The following KCNH7 variants were observed in gnomAD, a reference collection of about 807,000 sequenced individuals.
KCNH7 encodes the protein voltage-gated inwardly rectifying potassium channel KCNH7.
Under a neutral mutation model 120.8 loss-of-function variants are expected in KCNH7, and 49 were observed. That is an observed-to-expected ratio of 0.41 (90% CI 0.32 to 0.51). The LOEUF (loss-of-function observed/expected upper bound fraction) is 0.51, where lower values mean the gene tolerates loss of function less well. Ranked by LOEUF, KCNH7 falls within the 20% of genes least tolerant of loss-of-function variation. The probability of loss-of-function intolerance (pLI) is 0.38; values close to 1 mark genes in which losing one functional copy is unlikely to be tolerated. For synonymous variants in KCNH7, 547 were observed against 516.1 expected, an observed-to-expected ratio of 1.06 and a Z score of -0.81; for missense variants, 1,097 against 1,446.6, an observed-to-expected ratio of 0.76 and a Z score of 3.92.
At chr2:162,621,401 C>T (rs181736569) in intron 2 of KCNH7, among the ~76,000 whole-genome samples, 49 of 151,928 alleles carry the variant, frequency 3.2e-4, no homozygotes, top group African/African-American at 1.2e-3. Flanking sequence ...TTTTCTCTGC[C>T]ACACTCAACA....
intron 6 of KCNH7, among the ~76,000 whole-genome samples, chr2:162,500,937 T>G (rs1690667074): frequency 6.6e-6 from 1 of 152,114 alleles, no homozygotes; most frequent in South Asian, 2.1e-4. Context: ...CAAAGATAGC[T>G]GCAATTAGGA....
chr2:162,795,851 C>G (rs1347317198), intron 2 of KCNH7: 3 of 152,128 alleles, frequency 2.0e-5, no homozygotes, highest in East Asian at 3.9e-4. Context: ...ATAAACAAAT[C>G]TAGGAGAATA....
chr2:162,541,118 T>A (rs1265506843), intron 2 of KCNH7, among the ~76,000 whole-genome samples: 1 of 152,108 alleles, frequency 6.6e-6, no homozygotes, highest in African/African-American at 2.4e-5. Flanking sequence ...TTTCAGCATG[T>A]TGACTTTGCA....
chr2:162,757,592 T>C (rs1480323600), intron 2 of KCNH7, among the ~76,000 whole-genome samples: 1 of 152,140 alleles, frequency 6.6e-6, no homozygotes, highest in Non-Finnish European at 1.5e-5. Context: ...CACAAAGATA[T>C]CTCAGTTACC....
At chr2:162,510,463 G>C (rs1691033431) in intron 5 of KCNH7, among the ~76,000 whole-genome samples, 1 of 151,374 alleles carries the variant, frequency 6.6e-6, no homozygotes, top group African/African-American at 2.4e-5. Context: ...CGGACTTCCC[G>C]AGAAAGTTAA....
intron 2 of KCNH7, among the ~76,000 whole-genome samples, chr2:162,722,242 TAAG>T (rs772430618): frequency 1.1e-4 from 16 of 152,004 alleles, no homozygotes; most frequent in East Asian, 9.7e-4. Context: ...AGTGATGAAG[TAAG>T]AAGAAGAAGT....
chr2:162,373,788 G>T, intron 14 of KCNH7, 126 bp from the exon 15 acceptor site: 1 of 511,226 alleles, frequency 2.0e-6, no homozygotes, highest in Non-Finnish European at 3.3e-6. Flanking sequence ...AAGGACAGGA[G>T]AGGGAGCACA....
intron 2 of KCNH7, among the ~76,000 whole-genome samples, chr2:162,743,168 C>T (rs1435605965): frequency 1.3e-5 from 2 of 152,196 alleles, no homozygotes; most frequent in South Asian, 2.1e-4. Flanking sequence ...CTGCATCTCT[C>T]TCTGTAACTG....
intron 2 of KCNH7, among the ~76,000 whole-genome samples, chr2:162,720,386 G>A (rs1406720034): frequency 6.6e-6 from 1 of 150,446 alleles, no homozygotes; most frequent in Admixed American, 6.6e-5. Context: ...GAACCATGAT[G>A]TGAGAAGTTA....
Position 162,561,038 on chromosome 2 carries a change from A to T in KCNH7, c.308-23958T>A, listed in dbSNP as rs1463894843. ...TTAGACAGCTTCATATTGAAAATAC[A>T]GAAATGAAATAACCTTTTTTTTTTT... On this transcript the variant is annotated intron_variant, in intron 2 of 15. Coordinates refer to ENST00000332142, the MANE Select transcript of KCNH7 (RefSeq NM_033272.4). 2.3e-5 allele frequency among the ~76,000 whole-genome samples: 3 copies of T among 130,402 alleles called. No homozygotes were observed. The South Asian group carries it at 7.8e-4, about 34-fold the overall frequency. 85.5% of individuals were successfully genotyped at this position (130,402 alleles called of 152,430 possible).
At chr2:162,638,354 A>G (rs1277057484) in intron 2 of KCNH7, among the ~76,000 whole-genome samples, 1 of 152,096 alleles carries the variant, frequency 6.6e-6, no homozygotes, top group Admixed American at 6.6e-5. Flanking sequence ...GTTGATTTGA[A>G]TATCAATATG....
intron 14 of KCNH7, among the ~76,000 whole-genome samples, chr2:162,373,911 GACT>G (rs1558913014): frequency 6.6e-6 from 1 of 152,114 alleles, no homozygotes; most frequent in Admixed American, 6.6e-5. Flanking sequence ...GAACAAAATA[GACT>G]ACATGTTTAC....
chr2:162,753,609 T>C (rs1212948300), intron 2 of KCNH7, among the ~76,000 whole-genome samples: 2 of 152,108 alleles, frequency 1.3e-5, no homozygotes, highest in Admixed American at 1.3e-4. Context: ...TTGTTGTTTA[T>C]GTTAGTTGGA....
chr2:162,416,301 A>T (rs548931359), intron 9 of KCNH7, among the ~76,000 whole-genome samples: 97 of 150,380 alleles, frequency 6.5e-4, no homozygotes, highest in African/African-American at 2.3e-3. Context: ...TGAACCCAGG[A>T]GGTGGAAGTT....
At chr2:162,596,420 T>G (rs1694382950) in intron 2 of KCNH7, among the ~76,000 whole-genome samples, 1 of 152,038 alleles carries the variant, frequency 6.6e-6, no homozygotes, top group African/African-American at 2.4e-5. Flanking sequence ...GTCAATTGAT[T>G]TTTTTGACAA....
chr2:162,373,431 T>C (rs370107892), intron 15 of KCNH7, 39 bp downstream of exon 15: 2 of 1,390,156 alleles, frequency 1.4e-6, no homozygotes, highest in African/African-American at 3.0e-5. Context: ...GGAAACACAC[T>C]GTGAGAGACA....
At chr2:162,789,502 C>G (rs539693325) in intron 2 of KCNH7, among the ~76,000 whole-genome samples, 45 of 151,910 alleles carry the variant, frequency 3.0e-4, no homozygotes, top group African/African-American at 1.1e-3. Flanking sequence ...ACACTATAGA[C>G]CAAATGAACC....
intron 2 of KCNH7, among the ~76,000 whole-genome samples, chr2:162,663,358 A>T (rs1265845788): frequency 6.6e-6 from 1 of 152,180 alleles, no homozygotes; most frequent in Non-Finnish European, 1.5e-5. Context: ...TGTTTTCATC[A>T]ACATCTGTTT....
chr2:162,788,340 A>G (rs568378114), intron 2 of KCNH7, among the ~76,000 whole-genome samples: 1 of 152,248 alleles, frequency 6.6e-6, no homozygotes, highest in South Asian at 2.1e-4. Flanking sequence ...TCAATAAGCT[A>G]CAAGAGAACA....
Sources: gnomAD v4.1 joint callset for allele counts (sites outside exome capture counted in the v4.1 genomes callset) on GRCh38, gnomAD v4.1.1 for gene constraint, MANE v1.5 for transcripts, NCBI Gene and HGNC (gene_info 2026-07-23, HGNC 2026-07-21) for gene names.